RBBP4: variants seen among roughly 807,000 people sequenced by gnomAD.
RBBP4 encodes RB binding protein 4, chromatin remodeling factor.
In RBBP4, 3 loss-of-function variants were observed where a neutral mutation model predicts 57.2. The ratio of observed to expected loss-of-function variants is 0.05; its 90% CI spans 0.02 to 0.14. RBBP4 has a LOEUF of 0.14. Ranked by LOEUF, RBBP4 falls within the 10% of genes least tolerant of loss-of-function variation. The probability of loss-of-function intolerance (pLI) is 1.00; values close to 1 mark genes in which losing one functional copy is unlikely to be tolerated. For synonymous variants in RBBP4, 151 were observed against 171.5 expected (o/e 0.88, Z 0.93); for missense variants, 107 against 520.6 (o/e 0.21, Z 7.73).
intron 8 of RBBP4, among the ~76,000 whole-genome samples, chr1:32,670,463 TAAAA>T (rs1324249790): frequency 6.6e-6 from 1 of 152,142 alleles, no homozygotes; most frequent in Non-Finnish European, 1.5e-5. Flanking sequence ...TTGCAAAAAT[TAAAA>T]AAAGAAATAA....
chr1:32,685,583 G>A lies in RBBP4; in HGVS notation c.*5878G>A, dbSNP rs1249643155. The A allele has an allele frequency of 2.0e-5, 3 of 152,222 alleles. No homozygotes were observed. The highest frequency in any genetic ancestry group is 7.2e-5 in the African/African-American group (3 of 41,450). 9.4% of individuals were successfully genotyped at this position (152,222 alleles called of 1,614,324 possible). On this transcript the variant is annotated 3_prime_UTR_variant, in exon 12 of 12. Transcript: ENST00000373493. Reference sequence around the variant, plus strand: ...TGTGGCACATCAATCCGCACTGTTTGATACTCTGGCTGAATCTCAGCTTTC... The same window carrying A: ...TGTGGCACATCAATCCGCACTGTTTAATACTCTGGCTGAATCTCAGCTTTC...
chr1:32,679,162 T>G (rs943660206), intron 11 of RBBP4, among the ~76,000 whole-genome samples: 4 of 152,116 alleles, frequency 2.6e-5, no homozygotes, highest in African/African-American at 4.8e-5. Flanking sequence ...CCAGGCGTAG[T>G]GGCATGTGCC....
At chr1:32,668,904 TTTC>T in intron 5 of RBBP4, 50 bp downstream of exon 5, 2 of 1,612,796 alleles carry the variant, frequency 1.2e-6, no homozygotes, top group Non-Finnish European at 1.7e-6. Context: ...TACCAGTTGG[TTTC>T]TTTTTTGGGG....
intron 11 of RBBP4, chr1:32,673,564 A>C (rs902245313): frequency 2.7e-6 from 1 of 375,686 alleles, no homozygotes; most frequent in Non-Finnish European, 5.1e-6. Flanking sequence ...CAGCCTTCTG[A>C]GTAGCTGGGA....
chr1:32,653,771 G>A (rs1648014063), intron 2 of RBBP4, among the ~76,000 whole-genome samples: 1 of 147,726 alleles, frequency 6.8e-6, no homozygotes, highest in South Asian at 2.2e-4. Context: ...CCATTTTCCT[G>A]CCTCAGCTTC....
chr1:32,659,057 A>G (rs141523226), intron 3 of RBBP4, among the ~76,000 whole-genome samples: 1 of 147,368 alleles, frequency 6.8e-6, no homozygotes, highest in African/African-American at 2.5e-5. Context: ...ATATATAAAT[A>G]TATAAATTAT....
chr1:32,665,570 CAG>C (rs972273772), intron 3 of RBBP4, among the ~76,000 whole-genome samples: 9 of 151,300 alleles, frequency 5.9e-5, no homozygotes, highest in Non-Finnish European at 1.2e-4. Context: ...CCCAGCTACT[CAG>C]GGGGCTGAGG....
intron 3 of RBBP4, 198 bp downstream of exon 3, chr1:32,657,770 T>G (rs536891883): frequency 1.1e-4 from 58 of 535,278 alleles, no homozygotes; most frequent in Middle Eastern, 1.1e-3. Flanking sequence ...TTCTGTACCT[T>G]CACAATAAAC....
chr1:32,677,439 T>G (rs1649148482), intron 11 of RBBP4, among the ~76,000 whole-genome samples: 2 of 150,348 alleles, frequency 1.3e-5, no homozygotes, highest in South Asian at 4.2e-4. Flanking sequence ...ATGCATCTCT[T>G]CCATGTGGTT....
In RBBP4 at chr1:32,672,470, T is replaced by C; in HGVS notation, c.987T>C (p.Asn329=). ...TGTAGGTTCAGTGGTCACCTCACAA[T>C]GAGACTATTTTAGCTTCCAGTGGTA... ...EIFQVQWSPH[N]ETILASSGTD... is the part of the protein sequence containing the mutation. Residue 329 remains asparagine, a synonymous_variant, in exon 9 of 12, where the codon AAT becomes AAC. Transcript: ENST00000373493. 6.2e-7 allele frequency: 1 copy of C among 1,609,304 alleles called. No homozygotes were observed. The highest frequency in any genetic ancestry group is 8.5e-7 in the Non-Finnish European group (1 of 1,176,160).
intron 11 of RBBP4, among the ~76,000 whole-genome samples, chr1:32,676,833 C>T (rs531840405): frequency 6.6e-6 from 1 of 152,002 alleles, no homozygotes; most frequent in African/African-American, 2.4e-5. Flanking sequence ...GTCCCAGTTC[C>T]TTGGGAGGCT....
chr1:32,654,580 G>A (rs1648051824), intron 2 of RBBP4, among the ~76,000 whole-genome samples: 2 of 152,282 alleles, frequency 1.3e-5, no homozygotes, highest in African/African-American at 4.8e-5. Context: ...GCTAGGTTTC[G>A]AAAGCAAGAA....
At chr1:32,664,664 G>A (rs1648569167) in intron 3 of RBBP4, among the ~76,000 whole-genome samples, 1 of 152,224 alleles carries the variant, frequency 6.6e-6, no homozygotes, top group South Asian at 2.1e-4. Flanking sequence ...TATTGGCCAT[G>A]CTGATCTCAA....
chr1:32,674,133 A>G (rs1215833329), intron 11 of RBBP4, among the ~76,000 whole-genome samples: 1 of 152,082 alleles, frequency 6.6e-6, no homozygotes, highest in Non-Finnish European at 1.5e-5. Flanking sequence ...TATTCCGGAG[A>G]TAGGTGGTGG....
chr1:32,668,595 A>T, intron 4 of RBBP4, 144 bp from the exon 5 acceptor site: 1 of 846,810 alleles, frequency 1.2e-6, no homozygotes, highest in Non-Finnish European at 1.8e-6. Context: ...GGTGCTGTTT[A>T]AGCATTATCT....
At chr1:32,651,392 A>T in intron 1 of RBBP4, 70 bp downstream of exon 1, 1 of 1,399,528 alleles carries the variant, frequency 7.1e-7, no homozygotes, top group Non-Finnish European at 9.3e-7. Context: ...GACATGGCCT[A>T]ACAGTGAGGG....
chr1:32,659,965 G>C (rs182998263), intron 3 of RBBP4, among the ~76,000 whole-genome samples: 5 of 152,278 alleles, frequency 3.3e-5, no homozygotes, highest in African/African-American at 1.2e-4. Context: ...CTGCTAAGTT[G>C]CACTCCAGAA....
rs1398206404 is a variant in RBBP4 at position 32,684,962 on chromosome 1, T to C, written c.*5257T>C. 6.6e-6 allele frequency: 1 copy of C among 152,476 alleles called. No homozygotes were observed. Among genetic ancestry groups the C allele is most frequent in the African/African-American group, 2.4e-5 (1 of 41,430 alleles). The allele number at this position is 152,476 out of a possible 1,614,324, so 9.4% of individuals were successfully genotyped here. A position where few individuals can be genotyped will look rare whatever the true frequency, so the allele number is the denominator to read the frequency against. Reference sequence around the variant, plus strand: ...CTGGTACTTAACATCATATGGAAATTGATGCTTTAGTGAGGGTGTTGGCTA... The same window carrying C: ...CTGGTACTTAACATCATATGGAAATCGATGCTTTAGTGAGGGTGTTGGCTA... On this transcript the variant is annotated 3_prime_UTR_variant, in exon 12 of 12. Transcript: ENST00000373493.
At chr1:32,674,129 G>A (rs923837605) in intron 11 of RBBP4, among the ~76,000 whole-genome samples, 4 of 152,100 alleles carry the variant, frequency 2.6e-5, no homozygotes, top group Admixed American at 6.5e-5. Flanking sequence ...TATATATTCC[G>A]GAGATAGGTG....
Sources: gnomAD v4.1 joint callset for allele counts (sites outside exome capture counted in the v4.1 genomes callset) on GRCh38, gnomAD v4.1.1 for gene constraint, MANE v1.5 for transcripts, NCBI Gene and HGNC (gene_info 2026-07-23, HGNC 2026-07-21) for gene names.